PCBP2: variants seen among roughly 807,000 people sequenced by gnomAD.
The protein encoded by PCBP2 is poly(rC)-binding protein 2.
Under a neutral mutation model 50.1 loss-of-function variants are expected in PCBP2, and 4 were observed. The observed-to-expected ratio is 0.08, with a 90% confidence interval of 0.04 to 0.18. The LOEUF (loss-of-function observed/expected upper bound fraction) is 0.18, where lower values mean the gene tolerates loss of function less well. Among genes scored for constraint, PCBP2 ranks in the 10% least tolerant of loss-of-function variants. The probability of loss-of-function intolerance (pLI) is 1.00; values close to 1 mark genes in which losing one functional copy is unlikely to be tolerated. For missense variants in PCBP2, 161 were observed against 474.3 expected (o/e 0.34, Z 6.14); for synonymous variants, 179 against 168.0 (o/e 1.07, Z -0.51).
intron 13 of PCBP2, among the ~76,000 whole-genome samples, chr12:53,469,681 C>T (rs377478401): frequency 4.6e-5 from 7 of 151,690 alleles, no homozygotes; most frequent in Non-Finnish European, 7.4e-5. Flanking sequence ...GAGCCGAGAT[C>T]GCGCCATCGC....
chr12:53,459,287 A>G lies in PCBP2; in HGVS notation c.259A>G (p.Met87Val). The change falls in exon 6 of 15, where the codon ATG (methionine) becomes GTG (valine). Residue 87 changes from methionine (M) to valine (V), a missense_variant. Physicochemically the swap from Met to Val is conservative, Grantham distance 21. This residue lies in a region of PCBP2 where 24 missense variants were observed against 37.1 expected (regional missense o/e 0.65). Coordinates refer to ENST00000546463, the MANE Select transcript of PCBP2 (RefSeq NM_031989.5). ...DKLEEDISSS[M>V]TNSTAASRPP... ...CTTTCTGTAGGACATAAGCAGCTCT[A>G]TGACCAATAGCACAGCTGCCAGTAG... The G allele has an allele frequency of 6.2e-7, 1 of 1,611,830 alleles. No individual in the cohort carries two copies. The highest frequency in any genetic ancestry group is 8.5e-7 in the Non-Finnish European group (1 of 1,178,812).
chr12:53,456,061 T>C (rs1940986048), intron 5 of PCBP2, 60 bp downstream of exon 5: 1 of 1,045,064 alleles, frequency 9.6e-7, no homozygotes, highest in African/African-American at 1.6e-5. Context: ...AGCTTGTTGA[T>C]TTTCTAAGAG....
chr12:53,467,568 C>T lies in PCBP2; in HGVS notation c.788-237C>T. ...TCAGGCAAAGGGTAGGCTGATATTT[C>T]TTTGAGCCCATCCTGACTGCTGCCC... On this transcript the variant is annotated intron_variant, in intron 11 of 14. Coordinates refer to ENST00000546463, the MANE Select transcript of PCBP2 (RefSeq NM_031989.5). 9.8e-6 allele frequency: 6 copies of T among 613,884 alleles called. No homozygotes were observed. The South Asian group carries it at 1.0e-4, about 10-fold the overall frequency. The allele number at this position is 613,884 out of a possible 1,614,324, so 38.0% of individuals were successfully genotyped here. A position where few individuals can be genotyped will look rare whatever the true frequency, so the allele number is the denominator to read the frequency against.
intron 9 of PCBP2, among the ~76,000 whole-genome samples, chr12:53,465,707 G>A (rs189285224): frequency 6.6e-6 from 1 of 152,130 alleles, no homozygotes; most frequent in Non-Finnish European, 1.5e-5. Context: ...CAGGGAACTT[G>A]GCTACCTTTA....
At chr12:53,455,229 A>G (rs1416960684) in intron 2 of PCBP2, 118 bp from the exon 3 acceptor site, 3 of 960,810 alleles carry the variant, frequency 3.1e-6, no homozygotes, top group Non-Finnish European at 4.6e-6. Context: ...GACAGTTAAA[A>G]TTCCTTTTCA....
rs932533975 is a variant in PCBP2, at chr12:53,459,816, G to A, written c.375+413G>A. 7 of 443,288 alleles carry A rather than the reference G, an allele frequency of 1.6e-5. No individual in the cohort carries two copies. In the East Asian group the frequency reaches 2.2e-4, roughly 14 times the overall value. The allele number at this position is 443,288 out of a possible 1,614,324, so 27.5% of individuals were successfully genotyped here. A position where few individuals can be genotyped will look rare whatever the true frequency, so the allele number is the denominator to read the frequency against. ...TCTCCCCAGGCTGGAGTGCAGTGGC[G>A]CAGTCATGGCTCACTGCAGCAAAAC... is the stretch of plus-strand genomic sequence containing the variant. On this transcript the variant is annotated intron_variant, in intron 6 of 14. Coordinates refer to ENST00000546463, the MANE Select transcript of PCBP2 (RefSeq NM_031989.5).
chr12:53,479,130 G>C (rs1942875531), intron 14 of PCBP2, among the ~76,000 whole-genome samples: 1 of 152,148 alleles, frequency 6.6e-6, no homozygotes, highest in African/African-American at 2.4e-5. Flanking sequence ...TACACTCCTT[G>C]GTTAGCCCAC....
intron 8 of PCBP2, among the ~76,000 whole-genome samples, chr12:53,463,996 C>T (rs537350816): frequency 2.0e-5 from 3 of 152,286 alleles, no homozygotes; most frequent in East Asian, 3.9e-4. Context: ...ACAGTGTTAA[C>T]CTTGAGTCAG....
intron 6 of PCBP2, chr12:53,460,554 T>G (rs375594722): frequency 1.5e-5 from 3 of 204,640 alleles, no homozygotes; most frequent in Non-Finnish European, 3.1e-5. Context: ...GCTGCTTGAG[T>G]TTTTGGGAGC....
At chr12:53,457,918 C>A (rs1325610165) in intron 5 of PCBP2, among the ~76,000 whole-genome samples, 1 of 152,024 alleles carries the variant, frequency 6.6e-6, no homozygotes, top group Non-Finnish European at 1.5e-5. Flanking sequence ...ACAGTCAAAT[C>A]TATAGGTTTG....
chr12:53,454,638 G>T (rs1211465774), intron 1 of PCBP2, 88 bp from the exon 2 acceptor site: 2 of 634,746 alleles, frequency 3.2e-6, no homozygotes, highest in Non-Finnish European at 2.9e-6. Context: ...AAAGTGTAAA[G>T]TAGAAAATAT....
intron 14 of PCBP2, among the ~76,000 whole-genome samples, chr12:53,478,611 C>T (rs1028360836): frequency 6.6e-6 from 1 of 152,184 alleles, no homozygotes; most frequent in African/African-American, 2.4e-5. Flanking sequence ...TAAGACCTGC[C>T]TGGGAAACCT....
chr12:53,471,229 A>G (rs538469965), intron 13 of PCBP2, among the ~76,000 whole-genome samples: 2 of 152,046 alleles, frequency 1.3e-5, no homozygotes, highest in East Asian at 3.9e-4. Flanking sequence ...AAAATGGCTT[A>G]AACCAAGGAG....
intron 14 of PCBP2, among the ~76,000 whole-genome samples, chr12:53,473,763 GTT>G (rs34942612): frequency 6.9e-5 from 10 of 144,996 alleles, no homozygotes; most frequent in East Asian, 2.0e-4. Flanking sequence ...AAGTCAAAGG[GTT>G]TTTTTTTTTT....
chr12:53,475,745 T>C (rs984486851), intron 14 of PCBP2: 1 of 152,240 alleles, frequency 6.6e-6, no homozygotes, highest in East Asian at 1.9e-4. Context: ...CATGGGCTTT[T>C]TGAATCCCAA....
intron 11 of PCBP2, 163 bp from the exon 12 acceptor site, chr12:53,467,642 T>C: frequency 1.5e-6 from 1 of 677,276 alleles, no homozygotes; most frequent in Non-Finnish European, 2.6e-6. Flanking sequence ...ATTCACAGGC[T>C]TGGGTAGAGA....
chr12:53,459,241 C>T (rs1565859737), intron 5 of PCBP2, 31 bp from the exon 6 acceptor site: 8 of 1,554,408 alleles, frequency 5.1e-6, no homozygotes, highest in African/African-American at 2.7e-5. Context: ...TTCCAGGGAT[C>T]TGCTTATTGT....
intron 5 of PCBP2, among the ~76,000 whole-genome samples, chr12:53,458,034 T>C (rs2137031518): frequency 6.6e-6 from 1 of 152,112 alleles, no homozygotes; most frequent in African/African-American, 2.4e-5. Context: ...GTTCAAGCGA[T>C]TCTCCTGCCT....
intron 3 of PCBP2, 23 bp from the exon 4 acceptor site, chr12:53,455,438 C>A: frequency 1.2e-6 from 2 of 1,614,024 alleles, no homozygotes; most frequent in Non-Finnish European, 1.7e-6. Flanking sequence ...AGTTGGAGCT[C>A]ATGCTTGACT....
Sources: gnomAD v4.1 joint callset for allele counts (sites outside exome capture counted in the v4.1 genomes callset) on GRCh38, gnomAD v4.1.1 for gene constraint, gnomAD v4.1.1 regional missense constraint, MANE v1.5 for transcripts, NCBI Gene and HGNC (gene_info 2026-07-23, HGNC 2026-07-21) for gene names.